SSBP3: variants seen among roughly 807,000 people sequenced by gnomAD.
The protein encoded by SSBP3 is single stranded DNA binding protein 3.
A neutral mutation model predicts 69.6 loss-of-function variants in SSBP3; 5 were observed. That is an observed-to-expected ratio of 0.07 (90% CI 0.04 to 0.15). The LOEUF (loss-of-function observed/expected upper bound fraction) is 0.15. Ranked by LOEUF, SSBP3 falls within the 10% of genes least tolerant of loss-of-function variation. SSBP3 has a pLI of 1.00. For missense variants in SSBP3, 312 were observed against 534.0 expected, an observed-to-expected ratio of 0.58 and a Z score of 4.10; for synonymous variants, 196 against 193.4, an observed-to-expected ratio of 1.01 and a Z score of -0.11.
intron 5 of SSBP3, among the ~76,000 whole-genome samples, chr1:54,269,421 G>A (rs760332100): frequency 3.9e-5 from 6 of 152,196 alleles, no homozygotes; most frequent in Non-Finnish European, 5.9e-5. Flanking sequence ...GCATTTACAG[G>A]TGGGGACACT....
intron 4 of SSBP3, among the ~76,000 whole-genome samples, chr1:54,387,364 T>C (rs1018601467): frequency 6.6e-6 from 1 of 152,208 alleles, no homozygotes; most frequent in Non-Finnish European, 1.5e-5. Flanking sequence ...GCCATGCCTC[T>C]TCAAGAAAGG....
At chr1:54,359,442 G>T (rs1053929874) in intron 4 of SSBP3, among the ~76,000 whole-genome samples, 5 of 152,146 alleles carry the variant, frequency 3.3e-5, no homozygotes, top group Admixed American at 3.3e-4. Context: ...AAATGCTAAT[G>T]GGAAAATAAC....
rs755951948 is a variant in SSBP3 at position 54,258,039 on chromosome 1, C to T, written c.447+30G>A. ...CTGCTTCCTCCGCGCCCCGCGTCCC[C>T]GGCGGGCGGGAGCGCCACGGTGCGT... On this transcript the variant is annotated intron_variant, in intron 6 of 17. Coordinates refer to ENST00000610401, the Ensembl canonical transcript of SSBP3. The surrounding 1 kb of genome is among the most constrained non-coding windows in gnomAD (Gnocchi z 4.5). 37 of 1,561,882 alleles carry T rather than the reference C, an allele frequency of 2.4e-5. No individual in the cohort carries two copies. The highest frequency in any genetic ancestry group is 5.9e-5 in the Admixed American group (3 of 50,800).
chr1:54,336,006 T>C (rs1646501028), intron 4 of SSBP3: 2 of 152,276 alleles, frequency 1.3e-5, no homozygotes, highest in Non-Finnish European at 2.9e-5. Context: ...ATTCCAGCTT[T>C]ACCGCTTCCT....
upstream of SSBP3, among the ~76,000 whole-genome samples, chr1:54,410,865 G>A (rs1649970063): frequency 6.6e-6 from 1 of 152,234 alleles, no homozygotes; most frequent in Admixed American, 6.5e-5. Context: ...TTCTGATGAT[G>A]GAGAGTAGCC....
In SSBP3 at chr1:54,382,783, C is replaced by T. The variant is rs527709988; in HGVS notation, c.276+19078G>A. 1.0e-3 allele frequency among the ~76,000 whole-genome samples: 157 copies of T among 150,756 alleles called. 1 individual carries two copies. Among genetic ancestry groups the T allele is most frequent in the African/African-American group, 3.6e-3 (147 of 41,034 alleles). On this transcript the variant is annotated intron_variant, in intron 4 of 17. Coordinates refer to ENST00000610401, the Ensembl canonical transcript of SSBP3. ...GGTGGATCACCTGAAGTCGGGAGTT[C>T]GAGACCAGCCTGACCAACTTGGAGA...
chr1:54,297,400 C>T (rs990421613), intron 4 of SSBP3, among the ~76,000 whole-genome samples: 26 of 152,202 alleles, frequency 1.7e-4, no homozygotes, highest in African/African-American at 6.3e-4. Context: ...GAGGCCAAGG[C>T]GGGCGGATCA....
At chr1:54,344,382 GTGCTTC>G (rs1646655810) in intron 4 of SSBP3, among the ~76,000 whole-genome samples, 4 of 152,204 alleles carry the variant, frequency 2.6e-5, no homozygotes, top group African/African-American at 9.7e-5. Context: ...ATAAATACTT[GTGCTTC>G]TGCCCAAAGT....
intron 4 of SSBP3, among the ~76,000 whole-genome samples, chr1:54,356,125 A>G (rs891956540): frequency 1.3e-5 from 2 of 152,212 alleles, no homozygotes; most frequent in South Asian, 4.1e-4. Context: ...TACGGCAACC[A>G]TATCTTGCAA....
At chr1:54,405,036 A>G (rs909259176) in intron 1 of SSBP3, 106 bp from the exon 2 acceptor site, 2 of 1,009,888 alleles carry the variant, frequency 2.0e-6, no homozygotes, top group South Asian at 1.4e-5. Flanking sequence ...GCGCCGTCCC[A>G]TTGTGGCCCC....
chr1:54,269,120 CTCCTTATTACCTCACACAGCCT>C (rs2100808456), intron 5 of SSBP3, among the ~76,000 whole-genome samples: 1 of 152,276 alleles, frequency 6.6e-6, no homozygotes, highest in South Asian at 2.1e-4. Context: ...TGGCTCAGCC[CTCCTTATTACCTCACACAGCCT>C]TCCTTATTAG....
At chr1:54,257,262 CA>C (rs1197730261) in intron 6 of SSBP3, 76 bp from the exon 7 acceptor site, 3 of 1,326,256 alleles carry the variant, frequency 2.3e-6, no homozygotes, top group Non-Finnish European at 3.1e-6. Flanking sequence ...CTCCACTCCA[CA>C]AAGTCCAGTT....
intron 4 of SSBP3, among the ~76,000 whole-genome samples, chr1:54,296,791 A>G (rs187305786): frequency 2.0e-4 from 30 of 152,190 alleles, no homozygotes; most frequent in African/African-American, 7.2e-4. Flanking sequence ...TGTTTTCCCC[A>G]AGGGTGGCCT....
intron 4 of SSBP3, among the ~76,000 whole-genome samples, chr1:54,355,524 T>C (rs896673555): frequency 2.0e-5 from 3 of 152,146 alleles, no homozygotes; most frequent in Non-Finnish European, 4.4e-5. Context: ...AATTTTTGTA[T>C]TTTTAGTAGA....
intron 4 of SSBP3, among the ~76,000 whole-genome samples, chr1:54,307,465 C>T (rs1273898542): frequency 2.6e-5 from 4 of 152,180 alleles, no homozygotes; most frequent in African/African-American, 7.2e-5. Context: ...TTTAACACTT[C>T]CTCTGGCTCT....
intron 4 of SSBP3, among the ~76,000 whole-genome samples, chr1:54,290,799 T>G (rs997808731): frequency 2.0e-5 from 3 of 152,190 alleles, no homozygotes; most frequent in African/African-American, 7.2e-5. Flanking sequence ...ACAAGGAAGA[T>G]TAAGGGCTAG....
chr1:54,407,334 A>G (rs1649850100), upstream of SSBP3, among the ~76,000 whole-genome samples: 1 of 152,204 alleles, frequency 6.6e-6, no homozygotes, highest in East Asian at 1.9e-4. Context: ...CTCGCCACAG[A>G]AATCTGCAAA....
intron 4 of SSBP3, among the ~76,000 whole-genome samples, chr1:54,363,735 C>T (rs1312990364): frequency 2.0e-5 from 3 of 152,172 alleles, no homozygotes; most frequent in Non-Finnish European, 4.4e-5. Context: ...ATTTTCTTTC[C>T]ACCATAAAGG....
chr1:54,283,406 T>C (rs1162153624), intron 4 of SSBP3, among the ~76,000 whole-genome samples: 4 of 152,144 alleles, frequency 2.6e-5, no homozygotes, highest in Non-Finnish European at 5.9e-5. Context: ...CAAATGCACC[T>C]GGTTTTCAGC....
Sources: gnomAD v4.1 joint callset for allele counts (sites outside exome capture counted in the v4.1 genomes callset) on GRCh38, gnomAD v4.1.1 for gene constraint, Gnocchi (gnomAD v3.1) non-coding constraint, MANE v1.5 for transcripts, NCBI Gene and HGNC (gene_info 2026-07-23, HGNC 2026-07-21) for gene names.